MAP4K1: variants seen among roughly 807,000 people sequenced by gnomAD.
MAP4K1 encodes MAPK/ERK kinase kinase kinase 1.
MAP4K1 carries 35 observed loss-of-function variants against 122.8 expected under a neutral mutation model. That is an observed-to-expected ratio of 0.29 (90% CI 0.22 to 0.38). The LOEUF (loss-of-function observed/expected upper bound fraction) is 0.38. Ranked by LOEUF, MAP4K1 falls within the 10% of genes least tolerant of loss-of-function variation. MAP4K1 has a pLI of 1.00. For missense variants in MAP4K1, 791 were observed against 1,072.6 expected (o/e 0.74, Z 3.67); for synonymous variants, 412 against 421.3 (o/e 0.98, Z 0.27).
intron 8 of MAP4K1, 116 bp downstream of exon 8, chr19:38,613,764 C>T (rs1166365297): frequency 1.8e-5 from 14 of 779,150 alleles, no homozygotes; most frequent in Non-Finnish European, 2.5e-5. Context: ...AAGAATCTTC[C>T]AAGGAGAAAG....
intron 13 of MAP4K1, among the ~76,000 whole-genome samples, chr19:38,608,588 G>A (rs2144732256): frequency 6.6e-6 from 1 of 152,092 alleles, no homozygotes; most frequent in Admixed American, 6.5e-5. Flanking sequence ...CTGAGGTCAG[G>A]AGTTCATGAT....
chr19:38,590,965 T>TCA (rs58402161), intron 30 of MAP4K1, among the ~76,000 whole-genome samples: 9,929 of 137,300 alleles, frequency 0.072, 364 homozygotes, highest in Non-Finnish European at 0.096. Context: ...CATTAAAAAA[T>TCA]CACACACACA....
chr19:38,613,518 C>T (rs1300249297), intron 8 of MAP4K1, among the ~76,000 whole-genome samples: 7 of 151,586 alleles, frequency 4.6e-5, no homozygotes, highest in African/African-American at 1.7e-4. Flanking sequence ...GAGTGAGACC[C>T]TGTCTCTAAA....
At position 38,609,897 on chromosome 19, in the gene MAP4K1, C is replaced by T. The variant is rs376905266; in HGVS notation, c.927+12G>A. ...AGAGGTCCCCAGTGCTCTTGTCAGC[C>T]AAGGCTCTCACCTCGGGCTCCTCAT... On this transcript the variant is annotated intron_variant, in intron 12 of 30. Transcript: ENST00000396857. 5 of 1,609,494 alleles carry T rather than the reference C, an allele frequency of 3.1e-6. No homozygotes were observed. Among genetic ancestry groups the T allele is most frequent in the Non-Finnish European group, 4.3e-6 (5 of 1,175,796 alleles).
intron 13 of MAP4K1, among the ~76,000 whole-genome samples, chr19:38,609,058 C>T (rs948459840): frequency 7.9e-5 from 12 of 152,014 alleles, no homozygotes; most frequent in South Asian, 2.1e-4. Flanking sequence ...TTTCAGGATC[C>T]GTTTGGGTAT....
chr19:38,597,314 GCT>G lies in MAP4K1; in HGVS notation c.1837+10_1837+11del, dbSNP rs372573619. The G allele has an allele frequency of 1.2e-6, 2 of 1,613,900 alleles. No homozygotes were observed. The highest frequency in any genetic ancestry group is 1.7e-6 in the Non-Finnish European group (2 of 1,180,008). ...CGCCCACTCTCTGCACACCCGTGAA[GCT>G]CTCTCTCACCCACACAGCACGCCCG... On this transcript the variant is annotated intron_variant, in intron 24 of 30. Coordinates refer to ENST00000396857, the MANE Select transcript of MAP4K1 (RefSeq NM_001042600.3). This position sits in a 1 kb window ranked among gnomAD's most constrained non-coding sequence, Gnocchi z 4.6.
At chr19:38,602,570 A>G (rs921736558) in intron 19 of MAP4K1, among the ~76,000 whole-genome samples, 1 of 148,702 alleles carries the variant, frequency 6.7e-6, no homozygotes, top group East Asian at 1.9e-4. Context: ...ATATACATAT[A>G]TACATATATA....
At chr19:38,596,597 G>C in intron 25 of MAP4K1, 111 bp from the exon 26 acceptor site, 1 of 933,682 alleles carries the variant, frequency 1.1e-6, no homozygotes, top group Non-Finnish European at 1.6e-6. Flanking sequence ...AAGTCTTGGG[G>C]GATGCCGTCT....
intron 19 of MAP4K1, 114 bp downstream of exon 19, chr19:38,605,295 G>T (rs965182759): frequency 1.8e-4 from 136 of 774,690 alleles, no homozygotes; most frequent in Non-Finnish European, 2.7e-4. Flanking sequence ...GCACAGAGAA[G>T]CGCTCAACAA....
chr19:38,609,788 C>A, intron 12 of MAP4K1, 114 bp from the exon 13 acceptor site: 1 of 1,277,882 alleles, frequency 7.8e-7, no homozygotes, highest in South Asian at 1.3e-5. Context: ...TTTTACCAAG[C>A]TCCCCATCCT....
chr19:38,602,031 G>A (rs531257319), intron 19 of MAP4K1, among the ~76,000 whole-genome samples: 2 of 151,950 alleles, frequency 1.3e-5, no homozygotes, highest in African/African-American at 2.4e-5. Context: ...ACCTGCCTCA[G>A]CCTCCCAAAG....
rs751657105 is a variant in MAP4K1 at position 38,611,119 on chromosome 19, G to A, written c.742C>T (p.His248Tyr). ...GTCAGAGTGACTTTGATGAAGTTGTGGAAGGCAGCCGACCTTGGGAAGAAG... is the reference window on the plus strand; with the variant it reads ...GTCAGAGTGACTTTGATGAAGTTGTAGAAGGCAGCCGACCTTGGGAAGAAG... The part of the protein sequence containing the change: ...KEKGKWSAAF[H>Y]NFIKVTLTKS... The change falls in exon 11 of 31, where the codon CAC (histidine) becomes TAC (tyrosine). Residue 248 changes from histidine to tyrosine, a missense_variant. Physicochemically the swap from His to Tyr is moderately conservative, Grantham distance 83 (BLOSUM62 2). Coordinates refer to ENST00000396857, the MANE Select transcript of MAP4K1 (RefSeq NM_001042600.3). 2 of 1,613,560 alleles carry A rather than the reference G, an allele frequency of 1.2e-6. No individual in the cohort carries two copies. The highest frequency in any genetic ancestry group is 1.1e-5 in the South Asian group (1 of 90,988).
In MAP4K1 at chr19:38,612,720, C is replaced by A; in HGVS notation, c.556G>T (p.Val186Leu). Residue 186 changes from valine to leucine, a missense_variant, in exon 9 of 31, where the codon GTG becomes TTG. Around this residue, in one of 4 missense-constraint regions of MAP4K1, gnomAD observed 163 missense variants for 286.1 expected, o/e 0.57. Coordinates refer to ENST00000396857, the MANE Select transcript of MAP4K1 (RefSeq NM_001042600.3). ...PYWMAPEVAA[V>L]ALKGGYNELC... ...TCATTGTATCCTCCCTTCAGGGCCA[C>A]AGCTGCCACTTCCGGAGCCATCCTG... 6.2e-7 allele frequency: 1 copy of A among 1,613,404 alleles called. No individual in the cohort carries two copies.
At chr19:38,612,841 A>T in intron 8 of MAP4K1, 99 bp from the exon 9 acceptor site, 1 of 1,303,586 alleles carries the variant, frequency 7.7e-7, no homozygotes, top group South Asian at 1.3e-5. Context: ...CGCAGCACAC[A>T]GAGAGTCAGA....
rs1248760072 is a variant in MAP4K1 at position 38,587,789 on chromosome 19, C to T, written c.2425G>A (p.Asp809Asn). The T allele has an allele frequency of 1.9e-6, 3 of 1,614,008 alleles. No individual in the cohort carries two copies. Among genetic ancestry groups the T allele is most frequent in the East Asian group, 2.2e-5 (1 of 44,892 alleles). ...RPVVVETRPV[D>N]DPTAPSNLYI... ...AGGTTGCTGGGAGCAGTAGGATCATCCACTGGGCGTGTCTCCACCACTACA... is the reference window on the plus strand; with the variant it reads ...AGGTTGCTGGGAGCAGTAGGATCATTCACTGGGCGTGTCTCCACCACTACA... Residue 809 changes from aspartate (D) to asparagine (N), a missense_variant, in exon 31 of 31, where the codon GAT becomes AAT. Physicochemically the swap from Asp to Asn is conservative, Grantham distance 23 (BLOSUM62 1). Coordinates refer to ENST00000396857, the MANE Select transcript of MAP4K1 (RefSeq NM_001042600.3).
intron 4 of MAP4K1, among the ~76,000 whole-genome samples, chr19:38,615,619 G>C (rs573005438): frequency 1.3e-5 from 2 of 152,220 alleles, no homozygotes; most frequent in African/African-American, 4.8e-5. Flanking sequence ...CATCAGGTCT[G>C]ACAGACCAGC....
intron 19 of MAP4K1, 45 bp downstream of exon 19, chr19:38,605,364 C>T (rs1975292713): frequency 6.7e-7 from 1 of 1,486,992 alleles, no homozygotes; most frequent in African/African-American, 1.4e-5. Flanking sequence ...CAGGCATCCC[C>T]AGCCCCGTCC....
intron 30 of MAP4K1, among the ~76,000 whole-genome samples, chr19:38,590,385 AAAAAAAAAAATATATATATAT>A (rs1266060476): frequency 2.0e-4 from 16 of 78,336 alleles, no homozygotes; most frequent in South Asian, 4.8e-4. Context: ...AAAAAAAAAA[AAAAAAAAAAATATATATATAT>A]ATATATATAT....
chr19:38,609,762 C>G, intron 12 of MAP4K1, 88 bp from the exon 13 acceptor site: 1 of 1,365,874 alleles, frequency 7.3e-7, no homozygotes, highest in Non-Finnish European at 1.0e-6. Flanking sequence ...TCCTGTAACC[C>G]TCTGGGCACA....
Sources: gnomAD v4.1 joint callset for allele counts (sites outside exome capture counted in the v4.1 genomes callset) on GRCh38, gnomAD v4.1.1 for gene constraint, gnomAD v4.1.1 regional missense constraint, Gnocchi (gnomAD v3.1) non-coding constraint, MANE v1.5 for transcripts, NCBI Gene and HGNC (gene_info 2026-07-23, HGNC 2026-07-21) for gene names.